CNTNAP5: variants seen among roughly 807,000 people sequenced by gnomAD.
CNTNAP5 encodes the protein contactin associated protein family member 5.
Under a neutral mutation model 150.2 loss-of-function variants are expected in CNTNAP5, and 72 were observed. The ratio of observed to expected loss-of-function variants is 0.48; its 90% CI spans 0.40 to 0.58. CNTNAP5 has a LOEUF of 0.58. CNTNAP5 is among the 20% of genes least tolerant of loss of function. The pLI, the probability that CNTNAP5 is intolerant of heterozygous loss-of-function variation, is 0.00. For missense variants in CNTNAP5, 1,636 were observed against 1,626.2 expected (o/e 1.01, Z -0.10); for synonymous variants, 672 against 619.8 (o/e 1.08, Z -1.25).
intron 1 of CNTNAP5, among the ~76,000 whole-genome samples, chr2:124,034,106 T>C (rs1573705512): frequency 6.6e-6 from 1 of 152,056 alleles, no homozygotes; most frequent in African/African-American, 2.4e-5. Flanking sequence ...AGATGGCCAA[T>C]GGGGAGATGA....
intron 14 of CNTNAP5, among the ~76,000 whole-genome samples, chr2:124,747,646 A>G (rs1289162557): frequency 9.2e-6 from 1 of 108,124 alleles, no homozygotes; most frequent in Non-Finnish European, 1.7e-5. Flanking sequence ...TTTGAGACAG[A>G]GTCTCACTCT....
At chr2:124,101,289 T>A (rs554989417) in intron 1 of CNTNAP5, among the ~76,000 whole-genome samples, 51 of 152,256 alleles carry the variant, frequency 3.3e-4, no homozygotes, top group African/African-American at 1.2e-3. Context: ...TAAGATAAAT[T>A]AAATAATTTC....
chr2:124,843,482 T>A (rs1381601524), intron 19 of CNTNAP5, among the ~76,000 whole-genome samples: 2 of 152,186 alleles, frequency 1.3e-5, no homozygotes, highest in Non-Finnish European at 2.9e-5. Context: ...AACATGCATG[T>A]GCAAGTATCT....
At chr2:124,399,052 G>A (rs574137522) in intron 3 of CNTNAP5, among the ~76,000 whole-genome samples, 2 of 152,270 alleles carry the variant, frequency 1.3e-5, no homozygotes, top group East Asian at 1.9e-4. Flanking sequence ...CCTTTAGCTT[G>A]TAAAGATTTT....
intron 13 of CNTNAP5, among the ~76,000 whole-genome samples, chr2:124,676,278 G>A (rs1169735780): frequency 2.6e-5 from 4 of 152,170 alleles, no homozygotes; most frequent in East Asian, 3.9e-4. Flanking sequence ...CTTAAGATTA[G>A]TGGGATGTAA....
At chr2:124,888,172 C>A (rs571447122) in intron 21 of CNTNAP5, among the ~76,000 whole-genome samples, 1 of 152,142 alleles carries the variant, frequency 6.6e-6, no homozygotes, top group Non-Finnish European at 1.5e-5. Context: ...ATGTTTAGCT[C>A]CCACTTATTA....
chr2:124,398,459 G>A (rs2104755738), intron 3 of CNTNAP5, among the ~76,000 whole-genome samples: 1 of 144,418 alleles, frequency 6.9e-6, no homozygotes, highest in Admixed American at 7.1e-5. Flanking sequence ...GGGCTTTATA[G>A]GGAATATTAA....
intron 3 of CNTNAP5, among the ~76,000 whole-genome samples, chr2:124,303,697 A>G (rs772599805): frequency 2.0e-5 from 3 of 152,234 alleles, no homozygotes; most frequent in South Asian, 2.1e-4. Context: ...ATGATGAGGC[A>G]TGACCTAACT....
rs148226685 is a variant in CNTNAP5, at chr2:124,193,622, T to G, written c.83-28083T>G. Among the ~76,000 whole-genome samples the G allele has an allele frequency of 2.5e-3, 375 of 152,284 alleles. 2 individuals are homozygous for G. The highest frequency in any genetic ancestry group is 8.5e-3 in the African/African-American group (353 of 41,550). ...GTGAAAAGCAAACACCTTGTTATGA[T>G]ATAAACAGATACCAAACCACTAACG... On this transcript the variant is annotated intron_variant, in intron 1 of 23. Coordinates refer to ENST00000682447, the MANE Select transcript of CNTNAP5 (RefSeq NM_001367498.1).
At position 124,658,695 on chromosome 2, in the gene CNTNAP5, A is replaced by T. The variant is rs150403663; in HGVS notation, c.2077+10737A>T. The stretch of plus-strand genomic sequence containing the variant: ...TAACAAGTCAAGAATAGCAAGAAAA[A>T]CAATTTATTACTGTAGCATATGTTT... On this transcript the variant is annotated intron_variant, in intron 13 of 23. Transcript: ENST00000682447. Among the ~76,000 whole-genome samples, 250 of 152,282 alleles carry T rather than the reference A, an allele frequency of 1.6e-3. 1 individual carries two copies. The highest frequency in any genetic ancestry group is 5.8e-3 in the African/African-American group (243 of 41,552).
At chr2:124,202,815 A>G (rs1685762667) in intron 1 of CNTNAP5, among the ~76,000 whole-genome samples, 1 of 152,152 alleles carries the variant, frequency 6.6e-6, no homozygotes, top group Admixed American at 6.5e-5. Context: ...CCATGATTCA[A>G]TTACCTCCCA....
chr2:124,088,584 T>A (rs2104683524), intron 1 of CNTNAP5, among the ~76,000 whole-genome samples: 1 of 152,294 alleles, frequency 6.6e-6, no homozygotes, highest in South Asian at 2.1e-4. Flanking sequence ...CTGGCTTTTT[T>A]TTTTTACACT....
chr2:124,642,924 TAC>T (rs1311157052), intron 12 of CNTNAP5, among the ~76,000 whole-genome samples: 1 of 152,226 alleles, frequency 6.6e-6, no homozygotes, highest in African/African-American at 2.4e-5. Context: ...TATATATCAA[TAC>T]ACAGTCTGCC....
chr2:124,736,390 T>C (rs1411310278), intron 13 of CNTNAP5, among the ~76,000 whole-genome samples: 2 of 152,242 alleles, frequency 1.3e-5, no homozygotes, highest in African/African-American at 4.8e-5. Context: ...TTAAAAATAA[T>C]GTTTAACATT....
chr2:124,072,871 A>G (rs1008007273), intron 1 of CNTNAP5, among the ~76,000 whole-genome samples: 7 of 152,038 alleles, frequency 4.6e-5, no homozygotes, highest in Non-Finnish European at 1.5e-5. Flanking sequence ...TAAAACTTAC[A>G]TATAATTACA....
chr2:124,713,263 T>C (rs938752945), intron 13 of CNTNAP5, among the ~76,000 whole-genome samples: 40 of 121,282 alleles, frequency 3.3e-4, no homozygotes, highest in African/African-American at 1.1e-3. Flanking sequence ...CTTTCTTTCT[T>C]TCTTTCTTTC....
At chr2:124,913,382 C>T in intron 23 of CNTNAP5, among the ~76,000 whole-genome samples, 1 of 151,946 alleles carries the variant, frequency 6.6e-6, no homozygotes, top group East Asian at 1.9e-4. Context: ...CTAGGGTAAG[C>T]AAGAATAGCT....
intron 17 of CNTNAP5, among the ~76,000 whole-genome samples, chr2:124,773,361 G>A (rs562271060): frequency 1.3e-5 from 2 of 152,118 alleles, no homozygotes; most frequent in Admixed American, 1.3e-4. Flanking sequence ...ACAACTTAGT[G>A]GGTGTAGACT....
chr2:124,118,146 T>C (rs1005586092), intron 1 of CNTNAP5, among the ~76,000 whole-genome samples: 1 of 152,184 alleles, frequency 6.6e-6, no homozygotes, highest in African/African-American at 2.4e-5. Flanking sequence ...GGTTTGTTCA[T>C]GATCATGCAA....
Sources: allele counts gnomAD v4.1 joint callset (sites outside exome capture counted in the v4.1 genomes callset), GRCh38; gene constraint gnomAD v4.1.1; transcripts MANE v1.5; gene names NCBI Gene and HGNC (gene_info 2026-07-23, HGNC 2026-07-21).